Variants in MTSS1 observed in about 807,000 individuals in gnomAD.
The protein encoded by MTSS1 is MTSS I-BAR domain containing 1.
In MTSS1, 18 loss-of-function variants were observed where a neutral mutation model predicts 79.0. The observed-to-expected ratio is 0.23, with a 90% CI of 0.16 to 0.34. The LOEUF (loss-of-function observed/expected upper bound fraction) is 0.34, where lower values mean the gene tolerates loss of function less well. Ranked by LOEUF, MTSS1 falls within the 10% of genes least tolerant of loss-of-function variation. The probability of loss-of-function intolerance (pLI) is 1.00; values close to 1 mark genes in which losing one functional copy is unlikely to be tolerated. For synonymous variants in MTSS1, 341 were observed against 368.6 expected, an observed-to-expected ratio of 0.93 and a Z score of 0.86; for missense variants, 815 against 986.2, an observed-to-expected ratio of 0.83 and a Z score of 2.33.
intron 3 of MTSS1, among the ~76,000 whole-genome samples, chr8:124,685,613 G>C (rs1826835600): frequency 6.6e-6 from 1 of 152,132 alleles, no homozygotes; most frequent in Non-Finnish European, 1.5e-5. Flanking sequence ...TGTGATGCAG[G>C]AGAGAATGAC....
chr8:124,640,023 C>G (rs1817733515), intron 3 of MTSS1, among the ~76,000 whole-genome samples: 1 of 152,140 alleles, frequency 6.6e-6, no homozygotes, highest in South Asian at 2.1e-4. Context: ...TGCTTTCATC[C>G]AGACTATAGG....
chr8:124,721,973 G>C (rs988494247), intron 1 of MTSS1, among the ~76,000 whole-genome samples: 1 of 152,176 alleles, frequency 6.6e-6, no homozygotes, highest in African/African-American at 2.4e-5. Context: ...CTGTCGCATA[G>C]TAGGCAGCAG....
chr8:124,625,097 C>A (rs1482179396), intron 3 of MTSS1, among the ~76,000 whole-genome samples: 1 of 152,074 alleles, frequency 6.6e-6, no homozygotes, highest in Non-Finnish European at 1.5e-5. Flanking sequence ...ATTCTGGGCT[C>A]GGGAGCCAGA....
chr8:124,599,935 T>G (rs2132948899), intron 3 of MTSS1, among the ~76,000 whole-genome samples: 1 of 152,128 alleles, frequency 6.6e-6, no homozygotes, highest in South Asian at 2.1e-4. Flanking sequence ...GGCTTAGCTC[T>G]GAAATTAGCC....
chr8:124,699,693 T>C, intron 2 of MTSS1, 94 bp from the exon 3 acceptor site: 3 of 1,123,726 alleles, frequency 2.7e-6, no homozygotes, highest in South Asian at 1.3e-5. Context: ...AAGGAGTACA[T>C]GTAACCTTCC....
chr8:124,610,809 C>G (rs974433256), intron 3 of MTSS1, among the ~76,000 whole-genome samples: 1 of 152,184 alleles, frequency 6.6e-6, no homozygotes, highest in South Asian at 2.1e-4. Context: ...GGTTTAGGCT[C>G]TGGCAATGCC....
rs147579823 is a variant in MTSS1 at position 124,666,945 on chromosome 8, C to A, written c.208+32581G>T. ...TTAGGGGGAGAGTTGAAGAAGCCAG[C>A]GGGAATAAGGACAGAAATTAAAATT... On this transcript the variant is annotated intron_variant, in intron 3 of 13. Coordinates refer to ENST00000518547, the MANE Select transcript of MTSS1 (RefSeq NM_014751.6). Among the ~76,000 whole-genome samples the A allele has an allele frequency of 2.5e-3, 385 of 152,136 alleles. 1 individual carries two copies. The highest frequency in any genetic ancestry group is 0.017 in the South Asian group (82 of 4,824).
intron 3 of MTSS1, among the ~76,000 whole-genome samples, chr8:124,594,250 G>C (rs1479058245): frequency 6.6e-6 from 1 of 152,202 alleles, no homozygotes; most frequent in Non-Finnish European, 1.5e-5. Context: ...AGATGAACTG[G>C]CCGGGCTCAG....
chr8:124,626,042 C>A (rs1814598720), intron 3 of MTSS1, among the ~76,000 whole-genome samples: 1 of 152,156 alleles, frequency 6.6e-6, no homozygotes, highest in African/African-American at 2.4e-5. Context: ...AAGGGAGAGG[C>A]TGCAAATCAA....
intron 3 of MTSS1, among the ~76,000 whole-genome samples, chr8:124,668,182 C>T (rs758292470): frequency 6.6e-6 from 1 of 152,204 alleles, no homozygotes; most frequent in Non-Finnish European, 1.5e-5. Context: ...GAGGACACAG[C>T]GCAAGCGGCC....
At chr8:124,572,579 C>T (rs1381931252) in intron 6 of MTSS1, among the ~76,000 whole-genome samples, 4 of 152,122 alleles carry the variant, frequency 2.6e-5, no homozygotes, top group Non-Finnish European at 4.4e-5. Context: ...CCAGCTCCCA[C>T]GGACTTGACT....
chr8:124,644,759 ATGT>A (rs1173773059), intron 3 of MTSS1, among the ~76,000 whole-genome samples: 1 of 152,262 alleles, frequency 6.6e-6, no homozygotes, highest in Non-Finnish European at 1.5e-5. Flanking sequence ...TATTGGCAGA[ATGT>A]TATGAAGAAA....
At chr8:124,631,311 C>G (rs1340335713) in intron 3 of MTSS1, among the ~76,000 whole-genome samples, 1 of 152,200 alleles carries the variant, frequency 6.6e-6, no homozygotes, top group Non-Finnish European at 1.5e-5. Flanking sequence ...TGACACAAAA[C>G]GCCCTTTACT....
At chr8:124,559,834 C>A (rs1412992365) in intron 10 of MTSS1, among the ~76,000 whole-genome samples, 1 of 152,218 alleles carries the variant, frequency 6.6e-6, no homozygotes, top group Non-Finnish European at 1.5e-5. Flanking sequence ...CTGTTAACTG[C>A]AATCTCTGGC....
chr8:124,688,577 A>G (rs1255343303), intron 3 of MTSS1, among the ~76,000 whole-genome samples: 1 of 152,250 alleles, frequency 6.6e-6, no homozygotes, highest in Non-Finnish European at 1.5e-5. Context: ...TATCTTCTGC[A>G]GAAAAAGGAA....
intron 3 of MTSS1, among the ~76,000 whole-genome samples, chr8:124,640,311 G>C (rs1023547778): frequency 3.9e-5 from 6 of 152,152 alleles, no homozygotes; most frequent in Non-Finnish European, 7.4e-5. Context: ...GGTAGGAAAG[G>C]ACTAAAAAAT....
intron 3 of MTSS1, among the ~76,000 whole-genome samples, chr8:124,622,776 G>C (rs1343536265): frequency 2.1e-5 from 3 of 141,574 alleles, no homozygotes; most frequent in Non-Finnish European, 3.0e-5. Flanking sequence ...CTGGGCGGCA[G>C]AGCAGGGAGT....
At position 124,663,428 on chromosome 8, in the gene MTSS1, T is replaced by A. The variant is rs866345436; in HGVS notation, c.208+36098A>T. Among the ~76,000 whole-genome samples, 28 of 152,138 alleles carry A rather than the reference T, an allele frequency of 1.8e-4. 1 individual carries two copies. The South Asian group carries it at 4.8e-3, about 26-fold the overall frequency. ...TGCTCACTCGGCCCTCCCATCCCCC[T>A]TCCTCAAATCGGAAGCCTCTGAGGC... On this transcript the variant is annotated intron_variant, in intron 3 of 13. Coordinates refer to ENST00000518547, the MANE Select transcript of MTSS1 (RefSeq NM_014751.6).
intron 6 of MTSS1, among the ~76,000 whole-genome samples, chr8:124,572,613 C>T (rs1378918438): frequency 6.6e-6 from 1 of 152,206 alleles, no homozygotes; most frequent in Non-Finnish European, 1.5e-5. Flanking sequence ...ACCTCTGCTA[C>T]CTCTACCCTC....
Sources: allele counts gnomAD v4.1 joint callset (sites outside exome capture counted in the v4.1 genomes callset), GRCh38; gene constraint gnomAD v4.1.1; transcripts MANE v1.5; gene names NCBI Gene and HGNC (gene_info 2026-07-23, HGNC 2026-07-21).